Variants in SFT2D2 observed in about 807,000 individuals in gnomAD.
SFT2D2 encodes the protein SFT2 domain containing 2.
SFT2D2 carries 21 observed loss-of-function variants against 27.4 expected under a neutral mutation model. That is an observed-to-expected ratio of 0.77 (90% CI 0.54 to 1.10). SFT2D2 has a LOEUF of 1.10. Among genes scored for constraint, SFT2D2 ranks in the 50% least tolerant of loss-of-function variants. SFT2D2 has a pLI of 0.00. For missense variants in SFT2D2, 187 were observed against 194.2 expected, an observed-to-expected ratio of 0.96 and a Z score of 0.22; for synonymous variants, 72 against 71.7, an observed-to-expected ratio of 1.00 and a Z score of -0.02.
intron 7 of SFT2D2, among the ~76,000 whole-genome samples, chr1:168,240,174 CAA>C (rs71299093): frequency 0.05 from 5,152 of 103,140 alleles, 97 homozygotes; most frequent in East Asian, 0.075. Context: ...GACTCTGTCT[CAA>C]AAAAAAAAAA....
At chr1:168,234,455 A>G (rs1348962982) in intron 3 of SFT2D2, among the ~76,000 whole-genome samples, 1 of 151,980 alleles carries the variant, frequency 6.6e-6, no homozygotes, top group African/African-American at 2.4e-5. Flanking sequence ...GAGCTTTGGA[A>G]TCCAATAGCT....
intron 6 of SFT2D2, 31 bp from the exon 7 acceptor site, chr1:168,239,100 A>G (rs1647580527): frequency 5.7e-6 from 9 of 1,573,338 alleles, no homozygotes; most frequent in African/African-American, 2.7e-5. Flanking sequence ...CCTTCATCTC[A>G]TTTGACCCTT....
chr1:168,236,558 T>C (rs1647509225), intron 4 of SFT2D2, 31 bp from the exon 5 acceptor site: 3 of 1,602,612 alleles, frequency 1.9e-6, no homozygotes, highest in African/African-American at 1.3e-5. Flanking sequence ...CATGTTATTG[T>C]CATTAATTAA....
intron 7 of SFT2D2, 105 bp downstream of exon 7, chr1:168,239,265 C>A: frequency 2.3e-6 from 2 of 853,128 alleles, no homozygotes; most frequent in South Asian, 1.5e-5. Context: ...TCTTTTGAGT[C>A]AAGTAGACAA....
rs775957403 is a variant in SFT2D2 at position 168,235,121 on chromosome 1, C to T, written c.257C>T (p.Pro86Leu). 3.1e-6 allele frequency: 5 copies of T among 1,614,164 alleles called. No homozygotes were observed. The highest frequency in any genetic ancestry group is 4.2e-6 in the Non-Finnish European group (5 of 1,180,024). Residue 86 changes from proline (P) to leucine (L), a missense_variant, in exon 4 of 8, where the codon CCA becomes CTA. Pro to Leu is a moderately conservative substitution (Grantham distance 98, BLOSUM62 -3). Coordinates refer to ENST00000271375, the MANE Select transcript of SFT2D2 (RefSeq NM_199344.3). ...SIGSTIFLMG[P>L]VKQLKRMFEP... The stretch of plus-strand genomic sequence containing the variant: ...TTTAGTACCATCTTCCTCATGGGAC[C>T]AGTGAAACAGCTGAAGCGAATGTTT...
intron 7 of SFT2D2, among the ~76,000 whole-genome samples, chr1:168,240,866 C>T (rs1383540409): frequency 6.6e-6 from 1 of 152,024 alleles, no homozygotes; most frequent in Non-Finnish European, 1.5e-5. Context: ...GAGCCGAGAT[C>T]ACGCCATTGC....
intron 7 of SFT2D2, 129 bp downstream of exon 7, chr1:168,239,289 C>T: frequency 1.5e-6 from 1 of 667,922 alleles, no homozygotes. Flanking sequence ...CTATACATCT[C>T]ATTTATAGAT....
rs1482040513 is a variant in SFT2D2 at position 168,250,292 on chromosome 1, C to T, written c.*7752C>T. The stretch of plus-strand genomic sequence containing the variant: ...TGTTAGACTGTGGGAGGAAGAAATC[C>T]ATTTCAAATCTGCTGAAACCTGTTA... On this transcript the variant is annotated 3_prime_UTR_variant, in exon 8 of 8. Transcript: ENST00000271375. 2 of 152,190 alleles carry T rather than the reference C, an allele frequency of 1.3e-5. No individual in the cohort carries two copies. The highest frequency in any genetic ancestry group is 1.5e-5 in the Non-Finnish European group (1 of 68,054). 9.4% of individuals were successfully genotyped at this position (152,190 alleles called of 1,614,324 possible).
chr1:168,232,994 T>C (rs536935102), intron 3 of SFT2D2, among the ~76,000 whole-genome samples: 3 of 152,296 alleles, frequency 2.0e-5, no homozygotes, highest in Admixed American at 2.0e-4. Flanking sequence ...CACTGAGCTG[T>C]AGAGCCATTC....
intron 6 of SFT2D2, among the ~76,000 whole-genome samples, chr1:168,237,663 T>G (rs1209572903): frequency 6.6e-6 from 1 of 152,210 alleles, no homozygotes; most frequent in African/African-American, 2.4e-5. Context: ...TAACTCCTAT[T>G]TGGTAGAAAT....
chr1:168,244,456 GGT>G lies in SFT2D2; in HGVS notation c.*1920_*1921del, dbSNP rs922572942. The G allele has an allele frequency of 5.2e-5, 8 of 152,678 alleles. No individual in the cohort carries two copies. Among genetic ancestry groups the G allele is most frequent in the African/African-American group, 1.9e-4 (8 of 41,572 alleles). The allele number at this position is 152,678 out of a possible 1,614,324, so 9.5% of individuals were successfully genotyped here. ...GACCTCCCAAAGTGCTGGGATTACA[GGT>G]GTGAGCCACTGTGCCCTGCTGATCT... On this transcript the variant is annotated 3_prime_UTR_variant, in exon 8 of 8. Coordinates refer to ENST00000271375, the MANE Select transcript of SFT2D2 (RefSeq NM_199344.3).
intron 7 of SFT2D2, among the ~76,000 whole-genome samples, chr1:168,239,738 C>T (rs1325202205): frequency 6.6e-6 from 1 of 152,016 alleles, no homozygotes; most frequent in Non-Finnish European, 1.5e-5. Flanking sequence ...TACTCCATAC[C>T]TCTTTAAGCA....
intron 2 of SFT2D2, 60 bp from the exon 3 acceptor site, chr1:168,231,774 C>T: frequency 6.4e-7 from 1 of 1,560,914 alleles, no homozygotes; most frequent in East Asian, 2.2e-5. Context: ...TCTGGGAGCT[C>T]TGCTTGTGTG....
chr1:168,239,013 A>T (rs1324381410), intron 6 of SFT2D2, 118 bp from the exon 7 acceptor site: 3 of 770,178 alleles, frequency 3.9e-6, no homozygotes, highest in Middle Eastern at 2.4e-4. Context: ...CAGGCTGAGT[A>T]TGGGAGAGGG....
chr1:168,234,614 T>C (rs1159838327), intron 3 of SFT2D2, among the ~76,000 whole-genome samples: 1 of 152,172 alleles, frequency 6.6e-6, no homozygotes, highest in East Asian at 1.9e-4. Flanking sequence ...GATGATATCA[T>C]CATCATTAGA....
chr1:168,238,285 A>G (rs1295664006), intron 6 of SFT2D2, among the ~76,000 whole-genome samples: 2 of 151,796 alleles, frequency 1.3e-5, no homozygotes, highest in African/African-American at 4.9e-5. Context: ...TCTTCTTTTA[A>G]AATTAATAGG....
intron 3 of SFT2D2, among the ~76,000 whole-genome samples, chr1:168,232,290 G>GGTTTTTA (rs1320061705): frequency 1.3e-5 from 2 of 152,176 alleles, no homozygotes; most frequent in Non-Finnish European, 2.9e-5. Flanking sequence ...AAGGGAAACT[G>GGTTTTTA]GTTTTTATTT....
At chr1:168,242,358 T>C in intron 7 of SFT2D2, 143 bp from the exon 8 acceptor site, 1 of 850,082 alleles carries the variant, frequency 1.2e-6, no homozygotes, top group East Asian at 2.4e-5. Context: ...CTAATAAATG[T>C]TGAAGCTGCA....
chr1:168,229,864 T>A (rs1700495602), intron 1 of SFT2D2, among the ~76,000 whole-genome samples: 1 of 152,224 alleles, frequency 6.6e-6, no homozygotes, highest in Non-Finnish European at 1.5e-5. Flanking sequence ...ATCACATGGC[T>A]CATTTTGGAG....
Sources: allele counts gnomAD v4.1 joint callset (sites outside exome capture counted in the v4.1 genomes callset), GRCh38; gene constraint gnomAD v4.1.1; transcripts MANE v1.5; gene names NCBI Gene and HGNC (gene_info 2026-07-23, HGNC 2026-07-21).